Variants in MEF2C observed in about 807,000 individuals in gnomAD.
The protein encoded by MEF2C is myocyte-specific enhancer factor 2C.
A neutral mutation model predicts 50.5 loss-of-function variants in MEF2C; 6 were observed. That is an observed-to-expected ratio of 0.12 (90% CI 0.07 to 0.23). The LOEUF is 0.23. Ranked by LOEUF, MEF2C falls within the 10% of genes least tolerant of loss-of-function variation. The pLI is 1.00. For missense variants in MEF2C, 276 were observed against 605.0 expected (o/e 0.46, Z 5.70); for synonymous variants, 183 against 228.0 (o/e 0.80, Z 1.78).
intron 1 of MEF2C, among the ~76,000 whole-genome samples, chr5:88,879,876 A>G (rs1165902212): frequency 6.6e-6 from 1 of 152,110 alleles, no homozygotes; most frequent in African/African-American, 2.4e-5. Context: ...TTCCTCAACA[A>G]TCAGCTTTTA....
intron 3 of MEF2C, among the ~76,000 whole-genome samples, chr5:88,797,064 G>A (rs563907961): frequency 5.9e-5 from 9 of 152,270 alleles, no homozygotes; most frequent in Admixed American, 5.9e-4. Context: ...TTTAGGATAA[G>A]TGTGATATGG....
intron 2 of MEF2C, among the ~76,000 whole-genome samples, chr5:88,814,864 G>A (rs1304848634): frequency 1.3e-5 from 2 of 152,114 alleles, no homozygotes; most frequent in Non-Finnish European, 2.9e-5. Context: ...AAAGGAAGAA[G>A]GATGACCGAA....
chr5:88,821,968 A>C (rs1808600982), intron 2 of MEF2C, among the ~76,000 whole-genome samples: 1 of 151,950 alleles, frequency 6.6e-6, no homozygotes, highest in African/African-American at 2.4e-5. Context: ...GGTATACCTC[A>C]ATTACCCTGA....
At chr5:88,875,763 T>A (rs1830859481) in intron 1 of MEF2C, among the ~76,000 whole-genome samples, 1 of 151,980 alleles carries the variant, frequency 6.6e-6, no homozygotes, top group Admixed American at 6.6e-5. Context: ...GGCCCTCTGT[T>A]CCTTACCCTA....
intron 3 of MEF2C, among the ~76,000 whole-genome samples, chr5:88,789,584 C>T (rs1000428073): frequency 1.3e-5 from 2 of 151,984 alleles, no homozygotes; most frequent in South Asian, 2.1e-4. Flanking sequence ...AGTTTATTTA[C>T]TAAAACATAA....
chr5:88,902,321 G>A lies in MEF2C; in HGVS notation c.-240+1595C>T, dbSNP rs557772476. Among the ~76,000 whole-genome samples the A allele has an allele frequency of 7.9e-5, 12 of 151,834 alleles. No homozygotes were observed. In the South Asian group the frequency reaches 2.5e-3, roughly 32 times the overall value. On this transcript the variant is annotated intron_variant, in intron 1 of 11. Transcript: ENST00000340208. The stretch of plus-strand genomic sequence containing the variant: ...TATATGAAAGTAGCAGCTTGAAATC[G>A]CAATAAATACACATATATTTTTAAA...
At chr5:88,874,301 C>CA (rs570371423) in intron 1 of MEF2C, among the ~76,000 whole-genome samples, 49 of 151,930 alleles carry the variant, frequency 3.2e-4, no homozygotes, top group African/African-American at 1.1e-3. Flanking sequence ...CTGACAATAC[C>CA]AACGGGTATG....
At chr5:88,780,877 TTCTC>T in intron 3 of MEF2C, 8 of 985,348 alleles carry the variant, frequency 8.1e-6, no homozygotes, top group Non-Finnish European at 9.6e-6. Flanking sequence ...TTCTTTCACT[TTCTC>T]TCTCATTGTC....
In MEF2C at chr5:88,780,728, A is replaced by G. The variant is rs569064725; in HGVS notation, c.259-19400T>C. 28 of 972,476 alleles carry G rather than the reference A, an allele frequency of 2.9e-5. No homozygotes were observed. In the African/African-American group the frequency reaches 4.6e-4, roughly 16 times the overall value. The allele number at this position is 972,476 out of a possible 1,614,324, so 60.2% of individuals were successfully genotyped here. A position where few individuals can be genotyped will look rare whatever the true frequency, so the allele number is the denominator to read the frequency against. Reference sequence around the variant, plus strand: ...AGCATTGTTGACTGACTAATACTTCAATGAAATCAATTATTTATTTTTGTG... The same window carrying G: ...AGCATTGTTGACTGACTAATACTTCGATGAAATCAATTATTTATTTTTGTG... On this transcript the variant is annotated intron_variant, in intron 3 of 10. Coordinates refer to ENST00000504921, the MANE Select transcript of MEF2C (RefSeq NM_002397.5).
At chr5:88,764,146 T>C (rs1313656598) in intron 3 of MEF2C, among the ~76,000 whole-genome samples, 1 of 152,190 alleles carries the variant, frequency 6.6e-6, no homozygotes, top group Non-Finnish European at 1.5e-5. Flanking sequence ...TCAACTGTCA[T>C]TACAATCCAT....
chr5:88,843,886 C>T (rs894398904), intron 1 of MEF2C, among the ~76,000 whole-genome samples: 22 of 151,210 alleles, frequency 1.5e-4, no homozygotes, highest in African/African-American at 3.6e-4. Flanking sequence ...CTCGGCTCAC[C>T]GCAACCTCTG....
At chr5:88,760,963 C>A (rs752812753) in intron 4 of MEF2C, 2 of 1,595,008 alleles carry the variant, frequency 1.3e-6, no homozygotes, top group African/African-American at 1.4e-5. Flanking sequence ...TATCAGCAGA[C>A]CAGCCATCTA....
intron 3 of MEF2C, among the ~76,000 whole-genome samples, chr5:88,762,223 A>G (rs1778195888): frequency 6.6e-6 from 1 of 152,220 alleles, no homozygotes; most frequent in Non-Finnish European, 1.5e-5. Flanking sequence ...ACAGAAGAAT[A>G]AATACTAATG....
chr5:88,880,477 T>C (rs942429429), intron 1 of MEF2C, among the ~76,000 whole-genome samples: 11 of 152,128 alleles, frequency 7.2e-5, no homozygotes, highest in Admixed American at 7.2e-4. Context: ...TACCACACTT[T>C]AGAGTTGAGA....
chr5:88,774,159 C>T (rs1783694135), intron 3 of MEF2C, among the ~76,000 whole-genome samples: 1 of 151,982 alleles, frequency 6.6e-6, no homozygotes, highest in Admixed American at 6.5e-5. Context: ...AACAGTTGAC[C>T]TGGAGGTAGA....
intron 1 of MEF2C, among the ~76,000 whole-genome samples, chr5:88,841,908 G>T (rs925084809): frequency 6.6e-6 from 1 of 152,094 alleles, no homozygotes; most frequent in Non-Finnish European, 1.5e-5. Context: ...GTTGCTTTTG[G>T]TTAAACAAAT....
intron 1 of MEF2C, among the ~76,000 whole-genome samples, chr5:88,900,520 A>G (rs1161610864): frequency 6.6e-6 from 1 of 151,860 alleles, no homozygotes; most frequent in African/African-American, 2.4e-5. Context: ...ACATTCATAA[A>G]TATTTCCAGT....
chr5:88,821,095 A>T (rs969050628), intron 2 of MEF2C, among the ~76,000 whole-genome samples: 4 of 152,032 alleles, frequency 2.6e-5, no homozygotes, highest in Non-Finnish European at 5.9e-5. Context: ...TTCAGAATTT[A>T]AAAAAATGAT....
intron 2 of MEF2C, among the ~76,000 whole-genome samples, chr5:88,812,828 G>A (rs1460129587): frequency 3.3e-5 from 5 of 152,136 alleles, no homozygotes; most frequent in Non-Finnish European, 5.9e-5. Context: ...GTTAGTTAGT[G>A]TTCCTTCCCT....
Sources: gnomAD v4.1 joint callset for allele counts (sites outside exome capture counted in the v4.1 genomes callset) on GRCh38, gnomAD v4.1.1 for gene constraint, MANE v1.5 for transcripts, NCBI Gene and HGNC (gene_info 2026-07-23, HGNC 2026-07-21) for gene names.